The following RBFOX1 variants were observed in gnomAD, a reference collection of about 807,000 sequenced individuals.
RBFOX1 encodes RNA binding fox-1 homolog 1, also known as RNA binding protein fox-1 homolog 1.
RBFOX1 carries 8 observed loss-of-function variants against 57.7 expected under a neutral mutation model. The observed-to-expected ratio is 0.14, with a 90% CI of 0.08 to 0.25. The LOEUF is 0.25. RBFOX1 is among the 10% of genes least tolerant of loss of function. RBFOX1 has a pLI of 1.00. For missense variants in RBFOX1, 611 were observed against 548.5 expected, an observed-to-expected ratio of 1.11 and a Z score of -1.14; for synonymous variants, 326 against 222.4, an observed-to-expected ratio of 1.47 and a Z score of -4.15.
chr16:7,087,007 G>T (rs1236761338), intron 4 of RBFOX1, among the ~76,000 whole-genome samples: 1 of 152,174 alleles, frequency 6.6e-6, no homozygotes, highest in East Asian at 1.9e-4. Flanking sequence ...CGATGGGCAG[G>T]ACCGCAGCCT....
At position 6,825,733 on chromosome 16, in the gene RBFOX1, A is replaced by C. The variant is rs575317920; in HGVS notation, c.-16+171083A>C. ...AAGAGGAAAGGGAGGGAGGCAGGGC[A>C]GTCGATGCCAGGGACACGTGTAACG... is the stretch of plus-strand genomic sequence containing the variant. On this transcript the variant is annotated intron_variant, in intron 3 of 15. Transcript: ENST00000550418. 8.5e-5 allele frequency among the ~76,000 whole-genome samples: 13 copies of C among 152,254 alleles called. No homozygotes were observed. In the South Asian group the frequency reaches 2.7e-3, roughly 32 times the overall value.
intron 4 of RBFOX1, among the ~76,000 whole-genome samples, chr16:5,879,362 C>G (rs1256321345): frequency 6.6e-6 from 1 of 152,156 alleles, no homozygotes; most frequent in Non-Finnish European, 1.5e-5. Context: ...GTTGTGTGCT[C>G]ATGTCCTAGA....
intron 4 of RBFOX1, among the ~76,000 whole-genome samples, chr16:7,314,118 G>A (rs1327864377): frequency 6.6e-6 from 1 of 152,276 alleles, no homozygotes; most frequent in East Asian, 1.9e-4. Flanking sequence ...GGAGGAGGAA[G>A]GGAGAGGGGA....
intron 2 of RBFOX1, among the ~76,000 whole-genome samples, chr16:6,444,234 G>T (rs1377298425): frequency 6.6e-6 from 1 of 152,098 alleles, no homozygotes; most frequent in Non-Finnish European, 1.5e-5. Context: ...AACAGTGTCT[G>T]CTTAATTGAA....
In RBFOX1 at chr16:6,878,153, T is replaced by C. The variant is rs576645483; in HGVS notation, c.-15-173904T>C. 5.9e-5 allele frequency among the ~76,000 whole-genome samples: 9 copies of C among 152,298 alleles called. 1 individual carries two copies. In the South Asian group the frequency reaches 1.4e-3, roughly 25 times the overall value. ...AAGTGATAGCTAATGTTTGTGTTGCTACAATGTAAATACTTCCACTTCCCC... is the reference window on the plus strand; with the variant it reads ...AAGTGATAGCTAATGTTTGTGTTGCCACAATGTAAATACTTCCACTTCCCC... On this transcript the variant is annotated intron_variant, in intron 3 of 15. Coordinates refer to ENST00000550418, the MANE Select transcript of RBFOX1 (RefSeq NM_018723.4).
chr16:5,347,362 C>A (rs1195189661), intron 1 of RBFOX1, among the ~76,000 whole-genome samples: 1 of 152,138 alleles, frequency 6.6e-6, no homozygotes, highest in Admixed American at 6.5e-5. Context: ...AACTCAGCCT[C>A]CTTGAATCAT....
intron 2 of RBFOX1, among the ~76,000 whole-genome samples, chr16:6,628,798 G>A (rs1659693683): frequency 6.6e-6 from 1 of 152,142 alleles, no homozygotes; most frequent in South Asian, 2.1e-4. Context: ...CCAAAGTTTA[G>A]GTATGATCTG....
At chr16:5,897,651 C>A (rs1160575429) in intron 4 of RBFOX1, among the ~76,000 whole-genome samples, 2 of 152,092 alleles carry the variant, frequency 1.3e-5, no homozygotes, top group Non-Finnish European at 2.9e-5. Flanking sequence ...CCTCTCTTAG[C>A]TGGGATAAGG....
chr16:6,753,586 T>C (rs2075311700), intron 3 of RBFOX1, among the ~76,000 whole-genome samples: 1 of 152,136 alleles, frequency 6.6e-6, no homozygotes, highest in African/African-American at 2.4e-5. Context: ...TGCAATTTCA[T>C]CTCTTCATCA....
chr16:6,397,493 A>C (rs924139200), intron 2 of RBFOX1, among the ~76,000 whole-genome samples: 1 of 152,188 alleles, frequency 6.6e-6, no homozygotes, highest in African/African-American at 2.4e-5. Flanking sequence ...CAGACAAATG[A>C]AAATAGATGT....
intron 4 of RBFOX1, among the ~76,000 whole-genome samples, chr16:7,167,468 G>A (rs1432920790): frequency 6.6e-6 from 1 of 152,074 alleles, no homozygotes; most frequent in Non-Finnish European, 1.5e-5. Flanking sequence ...GAGTGATGCA[G>A]CCACAAGCCA....
chr16:5,811,991 T>G (rs1053429326), intron 3 of RBFOX1, among the ~76,000 whole-genome samples: 45 of 152,312 alleles, frequency 3.0e-4, no homozygotes, highest in African/African-American at 9.6e-4. Flanking sequence ...CTGATTTCTA[T>G]CTCTAGGAAT....
chr16:6,070,330 T>C (rs1004663198), intron 1 of RBFOX1, among the ~76,000 whole-genome samples: 21 of 152,226 alleles, frequency 1.4e-4, no homozygotes, highest in African/African-American at 4.8e-4. Flanking sequence ...TATTAGCTCT[T>C]AGCGTTGAGC....
chr16:6,012,890 T>C (rs1029978270), intron 4 of RBFOX1, among the ~76,000 whole-genome samples: 4 of 152,146 alleles, frequency 2.6e-5, no homozygotes, highest in African/African-American at 9.7e-5. Flanking sequence ...ATAAAGGAAA[T>C]GTTTCCTAAA....
chr16:7,264,318 G>A (rs904017225), intron 4 of RBFOX1, among the ~76,000 whole-genome samples: 2 of 152,198 alleles, frequency 1.3e-5, no homozygotes, highest in African/African-American at 2.4e-5. Flanking sequence ...AAAAACAAAT[G>A]AGCAGAATTC....
intron 2 of RBFOX1, among the ~76,000 whole-genome samples, chr16:6,330,050 C>A (rs1193168545): frequency 6.6e-6 from 1 of 152,154 alleles, no homozygotes; most frequent in Non-Finnish European, 1.5e-5. Flanking sequence ...CTTCATCTTT[C>A]CCTTCTTCCC....
chr16:6,731,972 C>G (rs2068727798), intron 3 of RBFOX1, among the ~76,000 whole-genome samples: 1 of 152,082 alleles, frequency 6.6e-6, no homozygotes, highest in African/African-American at 2.4e-5. Context: ...CCTACTAAAA[C>G]CAAATTTGAA....
chr16:7,318,875 T>C (rs987957476), intron 4 of RBFOX1, among the ~76,000 whole-genome samples: 2 of 152,098 alleles, frequency 1.3e-5, no homozygotes, highest in African/African-American at 2.4e-5. Flanking sequence ...TCCCAGTAAT[T>C]ATAAAAATAA....
At chr16:7,506,675 A>G (rs1343269461) in intron 4 of RBFOX1, among the ~76,000 whole-genome samples, 2 of 152,142 alleles carry the variant, frequency 1.3e-5, no homozygotes, top group African/African-American at 4.8e-5. Context: ...TAAGACTCAT[A>G]ATAAGATTGT....
Sources: allele counts gnomAD v4.1 joint callset (sites outside exome capture counted in the v4.1 genomes callset), GRCh38; gene constraint gnomAD v4.1.1; transcripts MANE v1.5; gene names NCBI Gene and HGNC (gene_info 2026-07-23, HGNC 2026-07-21).